Variants in LEKR1 observed in about 807,000 individuals in gnomAD.
LEKR1 encodes the protein protein LEKR1.
LEKR1 carries 59 observed loss-of-function variants against 72.4 expected under a neutral mutation model. The ratio of observed to expected loss-of-function variants is 0.82; its 90% CI spans 0.66 to 1.01. The LOEUF is 1.01. Among genes scored for constraint, LEKR1 ranks in the 50% least tolerant of loss-of-function variants. The probability of loss-of-function intolerance (pLI) is 0.00; values close to 1 mark genes in which losing one functional copy is unlikely to be tolerated. For synonymous variants in LEKR1, 257 were observed against 263.2 expected (o/e 0.98, Z 0.23); for missense variants, 728 against 759.2 (o/e 0.96, Z 0.48).
At chr3:156,868,879 G>T (rs937284211) in intron 3 of LEKR1, among the ~76,000 whole-genome samples, 1 of 151,814 alleles carries the variant, frequency 6.6e-6, no homozygotes, top group Admixed American at 6.6e-5. Flanking sequence ...GTATCTATCA[G>T]TTTTCTCTCT....
At chr3:156,844,938 CTG>C (rs1714407428) in intron 2 of LEKR1, among the ~76,000 whole-genome samples, 1 of 140,314 alleles carries the variant, frequency 7.1e-6, no homozygotes, top group Admixed American at 7.4e-5. Context: ...CACTACTAAA[CTG>C]TTTTCCAGAG....
At chr3:157,005,223 A>G (rs1456968528) in intron 9 of LEKR1, among the ~76,000 whole-genome samples, 1 of 152,058 alleles carries the variant, frequency 6.6e-6, no homozygotes, top group Non-Finnish European at 1.5e-5. Flanking sequence ...GATGGACAAA[A>G]TTTTTTAAAC....
intron 12 of LEKR1, among the ~76,000 whole-genome samples, chr3:157,038,899 C>T (rs1463587880): frequency 2.0e-5 from 3 of 152,162 alleles, no homozygotes; most frequent in Non-Finnish European, 4.4e-5. Context: ...AGCCTCCTAT[C>T]AGTTCAGTCA....
intron 10 of LEKR1, among the ~76,000 whole-genome samples, chr3:157,024,005 CTG>C (rs1402431473): frequency 6.6e-6 from 1 of 152,186 alleles, no homozygotes; most frequent in African/African-American, 2.4e-5. Flanking sequence ...AGTACATACA[CTG>C]TACAGTATCA....
chr3:156,955,236 T>C (rs1217233127), intron 6 of LEKR1, among the ~76,000 whole-genome samples: 1 of 151,978 alleles, frequency 6.6e-6, no homozygotes, highest in Non-Finnish European at 1.5e-5. Context: ...CTTATCACCT[T>C]GAGAAGCTTT....
intron 12 of LEKR1, among the ~76,000 whole-genome samples, chr3:157,031,075 A>G (rs188313501): frequency 2.5e-3 from 374 of 152,268 alleles, no homozygotes; most frequent in African/African-American, 7.7e-3. Context: ...AGATATGAAT[A>G]TCAGGAGAGT....
intron 10 of LEKR1, among the ~76,000 whole-genome samples, chr3:157,019,613 A>G (rs541906464): frequency 3.0e-4 from 45 of 152,334 alleles, no homozygotes; most frequent in African/African-American, 1.1e-3. Flanking sequence ...CAAAATTACT[A>G]TTAGTTATTG....
At chr3:156,988,668 C>T (rs1451719007) in intron 7 of LEKR1, 1 of 237,800 alleles carries the variant, frequency 4.2e-6, no homozygotes, top group African/African-American at 2.3e-5. Flanking sequence ...CTGCACCCAG[C>T]TTCAGGCAAA....
intron 2 of LEKR1, among the ~76,000 whole-genome samples, chr3:156,836,835 A>T (rs1301514997): frequency 6.6e-6 from 1 of 152,200 alleles, no homozygotes; most frequent in African/African-American, 2.4e-5. Context: ...TCCAACCAGA[A>T]AGGACTCATT....
At chr3:157,040,229 G>A (rs947476065) in intron 12 of LEKR1, among the ~76,000 whole-genome samples, 1 of 152,220 alleles carries the variant, frequency 6.6e-6, no homozygotes, top group Non-Finnish European at 1.5e-5. Flanking sequence ...TCTAAATTAA[G>A]TTGGATTATT....
intron 3 of LEKR1, among the ~76,000 whole-genome samples, chr3:156,919,288 G>A (rs1353255534): frequency 6.6e-6 from 1 of 152,158 alleles, no homozygotes; most frequent in African/African-American, 2.4e-5. Flanking sequence ...TGTCATGGCT[G>A]GAAATATTCT....
intron 6 of LEKR1, among the ~76,000 whole-genome samples, chr3:156,961,904 T>C (rs1231381775): frequency 6.6e-6 from 1 of 152,230 alleles, no homozygotes; most frequent in African/African-American, 2.4e-5. Flanking sequence ...ACTTTCCTGA[T>C]GTGATAGCAA....
chr3:157,014,284 A>G (rs1733134013), intron 10 of LEKR1, among the ~76,000 whole-genome samples: 1 of 152,116 alleles, frequency 6.6e-6, no homozygotes, highest in Non-Finnish European at 1.5e-5. Flanking sequence ...TTAGAATTTC[A>G]CTAATGACCT....
chr3:156,841,868 G>A (rs982744467), intron 2 of LEKR1, among the ~76,000 whole-genome samples: 11 of 152,062 alleles, frequency 7.2e-5, no homozygotes, highest in Non-Finnish European at 8.8e-5. Flanking sequence ...GAGAGAGATC[G>A]GGGTCCCCAA....
At chr3:156,841,806 G>A (rs906603322) in intron 2 of LEKR1, among the ~76,000 whole-genome samples, 3 of 151,978 alleles carry the variant, frequency 2.0e-5, no homozygotes, top group Non-Finnish European at 4.4e-5. Context: ...CTAGTGACTG[G>A]GCAGTGTATT....
At chr3:156,949,213 T>C (rs937475731) in intron 6 of LEKR1, among the ~76,000 whole-genome samples, 1 of 151,624 alleles carries the variant, frequency 6.6e-6, no homozygotes, top group African/African-American at 2.4e-5. Context: ...GCTTATGGTG[T>C]CTTTGTTACT....
At chr3:156,974,559 G>A (rs547809815) in intron 6 of LEKR1, among the ~76,000 whole-genome samples, 1 of 152,144 alleles carries the variant, frequency 6.6e-6, no homozygotes, top group African/African-American at 2.4e-5. Flanking sequence ...TTTAATTGCT[G>A]TTTCAAACAT....
chr3:157,040,606 C>T (rs933477014), intron 12 of LEKR1, among the ~76,000 whole-genome samples: 2 of 152,208 alleles, frequency 1.3e-5, no homozygotes, highest in Admixed American at 1.3e-4. Flanking sequence ...TCCCACTCAT[C>T]TTTCTGGTTT....
At chr3:156,929,543 C>A (rs1291256000) in intron 5 of LEKR1, among the ~76,000 whole-genome samples, 1 of 152,078 alleles carries the variant, frequency 6.6e-6, no homozygotes, top group Non-Finnish European at 1.5e-5. Context: ...ACTGCTAGCA[C>A]AAATTCCAAT....
Sources: allele counts gnomAD v4.1 joint callset (sites outside exome capture counted in the v4.1 genomes callset), GRCh38; gene constraint gnomAD v4.1.1; transcripts MANE v1.5; gene names NCBI Gene and HGNC (gene_info 2026-07-23, HGNC 2026-07-21).